The following PCDHA13 variants were observed in gnomAD, a reference collection of about 807,000 sequenced individuals.
PCDHA13 encodes protocadherin alpha-13.
PCDHA13 carries 54 observed loss-of-function variants against 64.8 expected under a neutral mutation model. The ratio of observed to expected loss-of-function variants is 0.83; its 90% CI spans 0.67 to 1.04. PCDHA13 has a LOEUF of 1.04. PCDHA13 is among the 50% of genes least tolerant of loss of function. The pLI is 0.00. For missense variants in PCDHA13, 1,248 were observed against 1,254.3 expected (o/e 0.99, Z 0.08); for synonymous variants, 587 against 564.4 (o/e 1.04, Z -0.57).
At chr5:140,948,564 T>C (rs1329949756) in intron 1 of PCDHA13, among the ~76,000 whole-genome samples, 1 of 151,688 alleles carries the variant, frequency 6.6e-6, no homozygotes, top group Non-Finnish European at 1.5e-5. Flanking sequence ...TTAAGTTGTA[T>C]TTTTTAAAGG....
intron 1 of PCDHA13, chr5:140,929,006 C>G: frequency 6.2e-7 from 1 of 1,614,050 alleles, no homozygotes; most frequent in Non-Finnish European, 8.5e-7. Context: ...TTCGTGTGTA[C>G]CAAGTTGCAC....
chr5:140,961,716 G>A (rs2095631233), intron 1 of PCDHA13, among the ~76,000 whole-genome samples: 1 of 152,082 alleles, frequency 6.6e-6, no homozygotes, highest in African/African-American at 2.4e-5. Flanking sequence ...TCATTTCTAA[G>A]TGCTCATAAA....
At chr5:141,009,104 T>G (rs2098399543) in intron 3 of PCDHA13, among the ~76,000 whole-genome samples, 1 of 152,220 alleles carries the variant, frequency 6.6e-6, no homozygotes, top group Non-Finnish European at 1.5e-5. Flanking sequence ...CATATGTTAC[T>G]ATGAAACTAG....
In PCDHA13 at chr5:140,883,242, A is replaced by C. The variant is rs1562785855; in HGVS notation, c.974A>C (p.Lys325Thr). 1.2e-6 allele frequency: 2 copies of C among 1,614,066 alleles called. No homozygotes were observed. Among genetic ancestry groups the C allele is most frequent in the Non-Finnish European group, 1.7e-6 (2 of 1,180,024 alleles). ...LYEISVEAVDKGNIPMAGHCT... is the reference protein window; with the variant it reads ...LYEISVEAVDTGNIPMAGHCT... ...GAAATATCCGTGGAGGCAGTTGACA[A>C]AGGAAATATTCCAATGGCGGGTCAT... The change falls in exon 1 of 4, where the codon AAA becomes ACA. Residue 325 changes from lysine to threonine, a missense_variant. Coordinates refer to ENST00000289272, the MANE Select transcript of PCDHA13 (RefSeq NM_018904.3).
intron 1 of PCDHA13, chr5:140,968,646 C>T (rs2153772882): frequency 6.2e-7 from 1 of 1,614,216 alleles, no homozygotes; most frequent in Non-Finnish European, 8.5e-7. Context: ...CTAGCCCAGA[C>T]TTCTGACCTG....
At chr5:140,905,928 A>G (rs2072211023) in intron 1 of PCDHA13, among the ~76,000 whole-genome samples, 1 of 152,238 alleles carries the variant, frequency 6.6e-6, no homozygotes, top group Admixed American at 6.5e-5. Context: ...TGAGTCCCAA[A>G]GCTGAAGAAC....
At chr5:140,967,479 C>T (rs782390272) in intron 1 of PCDHA13, 7 of 1,613,262 alleles carry the variant, frequency 4.3e-6, no homozygotes, top group East Asian at 2.2e-5. Context: ...CCAGCCCGCT[C>T]GGGTACGGCA....
At chr5:140,887,333 T>A (rs1214047567) in intron 1 of PCDHA13, among the ~76,000 whole-genome samples, 1 of 152,174 alleles carries the variant, frequency 6.6e-6, no homozygotes, top group African/African-American at 2.4e-5. Context: ...CCTGACCTCG[T>A]GATCCACCTG....
At position 140,882,860 on chromosome 5, in the gene PCDHA13, A is replaced by G; in HGVS notation, c.592A>G (p.Lys198Glu). 1 of 1,614,218 alleles carries G rather than the reference A, an allele frequency of 6.2e-7. No homozygotes were observed. Among genetic ancestry groups the G allele is most frequent in the Non-Finnish European group, 8.5e-7 (1 of 1,180,036 alleles). Residue 198 changes from lysine to glutamate, a missense_variant, in exon 1 of 4, where the codon AAA (lysine) becomes GAA (glutamate). Coordinates refer to ENST00000289272, the MANE Select transcript of PCDHA13 (RefSeq NM_018904.3). ...QMSSLSLVLR[K>E]TLDREEIQEH... ...GTCTTCATTATCACTTGTACTGAGG[A>G]AAACACTGGACAGAGAGGAAATTCA...
intron 1 of PCDHA13, among the ~76,000 whole-genome samples, chr5:140,888,860 A>C (rs1349587487): frequency 6.6e-6 from 1 of 152,086 alleles, no homozygotes; most frequent in Non-Finnish European, 1.5e-5. Flanking sequence ...GAGTGAGACC[A>C]TGTCTCAACA....
intron 1 of PCDHA13, among the ~76,000 whole-genome samples, chr5:140,964,381 T>C (rs1008874330): frequency 1.3e-5 from 2 of 152,176 alleles, no homozygotes. Flanking sequence ...AGGAGAGTCC[T>C]GGTTTTTCTC....
In PCDHA13 at chr5:140,895,583, A is replaced by C. The variant is rs545210218; in HGVS notation, c.2394+10921A>C. On this transcript the variant is annotated intron_variant, in intron 1 of 3. Coordinates refer to ENST00000289272, the MANE Select transcript of PCDHA13 (RefSeq NM_018904.3). ...ATATTCTAGATGCAATTACTTTATT[A>C]GATATATAATTTGCAAAGATTTTCT... Among the ~76,000 whole-genome samples, 15 of 152,292 alleles carry C rather than the reference A, an allele frequency of 9.8e-5. No individual in the cohort carries two copies. In the South Asian group the frequency reaches 3.1e-3, roughly 32 times the overall value.
At chr5:140,957,191 T>C (rs1302296413) in intron 1 of PCDHA13, among the ~76,000 whole-genome samples, 1 of 152,150 alleles carries the variant, frequency 6.6e-6, no homozygotes, top group Non-Finnish European at 1.5e-5. Flanking sequence ...TGATGACCGA[T>C]TGGGAATATA....
chr5:140,997,156 C>G (rs1266627646), intron 3 of PCDHA13, among the ~76,000 whole-genome samples: 1 of 152,106 alleles, frequency 6.6e-6, no homozygotes, highest in Non-Finnish European at 1.5e-5. Flanking sequence ...CAGTGACATC[C>G]TGCCCAGAGT....
chr5:140,930,092 A>G (rs1554207604), intron 1 of PCDHA13: 1 of 152,204 alleles, frequency 6.6e-6, no homozygotes, highest in East Asian at 1.9e-4. Context: ...ACATCTATTT[A>G]TACTGATAGG....
intron 1 of PCDHA13, among the ~76,000 whole-genome samples, chr5:140,917,793 G>A (rs1405580492): frequency 6.6e-6 from 1 of 152,082 alleles, no homozygotes; most frequent in African/African-American, 2.4e-5. Flanking sequence ...TTTGGTTACT[G>A]TAGCCTTGCA....
chr5:140,942,132 TG>T (rs1554214846), intron 1 of PCDHA13, among the ~76,000 whole-genome samples: 1 of 152,250 alleles, frequency 6.6e-6, no homozygotes, highest in African/African-American at 2.4e-5. Flanking sequence ...GTGATATTTG[TG>T]GCTTTACTTG....
chr5:140,935,894 CT>C (rs55841305), intron 1 of PCDHA13, among the ~76,000 whole-genome samples: 1,605 of 136,716 alleles, frequency 0.012, 14 homozygotes, highest in Non-Finnish European at 0.016. Context: ...TCAATATTAT[CT>C]TTTTTTTTTT....
chr5:140,970,933 G>T (rs782607345), intron 1 of PCDHA13, among the ~76,000 whole-genome samples: 6 of 152,176 alleles, frequency 3.9e-5, no homozygotes, highest in African/African-American at 9.7e-5. Context: ...CCTGGTGTTA[G>T]TCAATGCTGA....
Sources: allele counts gnomAD v4.1 joint callset (sites outside exome capture counted in the v4.1 genomes callset), GRCh38; gene constraint gnomAD v4.1.1; transcripts MANE v1.5; gene names NCBI Gene and HGNC (gene_info 2026-07-23, HGNC 2026-07-21).